Variants in TAOK1 observed in about 807,000 individuals in gnomAD.
TAOK1 encodes the protein serine/threonine-protein kinase TAO1.
TAOK1 carries 21 observed loss-of-function variants against 138.3 expected under a neutral mutation model. The ratio of observed to expected loss-of-function variants is 0.15; its 90% confidence interval spans 0.11 to 0.22. The LOEUF is 0.22. Ranked by LOEUF, TAOK1 falls within the 10% of genes least tolerant of loss-of-function variation. TAOK1 has a pLI of 1.00. For missense variants in TAOK1, 651 were observed against 1,227.7 expected, an observed-to-expected ratio of 0.53 and a Z score of 7.02; for synonymous variants, 361 against 398.4, an observed-to-expected ratio of 0.91 and a Z score of 1.12.
At chr17:29,483,778 A>G (rs947173872) in intron 8 of TAOK1, among the ~76,000 whole-genome samples, 1 of 152,188 alleles carries the variant, frequency 6.6e-6, no homozygotes, top group Non-Finnish European at 1.5e-5. Context: ...TGAAGTTTGC[A>G]AAACTGTTTC....
chr17:29,509,968 C>T (rs948654590), intron 14 of TAOK1, among the ~76,000 whole-genome samples: 26 of 151,650 alleles, frequency 1.7e-4, no homozygotes, highest in African/African-American at 6.3e-4. Flanking sequence ...CCTCCCACCT[C>T]AGCCTCTCAA....
intron 18 of TAOK1, 116 bp downstream of exon 18, chr17:29,530,735 G>A: frequency 2.4e-6 from 2 of 834,968 alleles, no homozygotes; most frequent in Non-Finnish European, 3.9e-6. Context: ...TGAAGCTTGG[G>A]AAATGTGGTG....
At chr17:29,424,067 G>C (rs994128580) in intron 1 of TAOK1, among the ~76,000 whole-genome samples, 23 of 116,106 alleles carry the variant, frequency 2.0e-4, no homozygotes, top group African/African-American at 6.6e-4. Context: ...AAAAAAAAAA[G>C]CAAACTTGTT....
chr17:29,534,042 T>C, intron 18 of TAOK1, 76 bp from the exon 19 acceptor site: 1 of 1,420,652 alleles, frequency 7.0e-7, no homozygotes, highest in Non-Finnish European at 9.3e-7. Context: ...ACACTCCTCC[T>C]CCTTTCCATA....
chr17:29,500,769 T>C (rs1327349594), intron 12 of TAOK1, among the ~76,000 whole-genome samples: 1 of 151,440 alleles, frequency 6.6e-6, no homozygotes, highest in East Asian at 1.9e-4. Context: ...GGTTTTTACA[T>C]CCAGTAGAAT....
chr17:29,445,992 G>A (rs977034136), intron 1 of TAOK1, among the ~76,000 whole-genome samples: 11 of 152,054 alleles, frequency 7.2e-5, no homozygotes, highest in Middle Eastern at 3.4e-3. Flanking sequence ...TGACTTTTTG[G>A]TAGTTTATAT....
At chr17:29,520,237 G>A (rs1043082288) in intron 16 of TAOK1, among the ~76,000 whole-genome samples, 1 of 151,584 alleles carries the variant, frequency 6.6e-6, no homozygotes, top group Non-Finnish European at 1.5e-5. Flanking sequence ...CAACCACAGA[G>A]GAATGATTGA....
At chr17:29,454,264 T>G (rs1189299778) in intron 2 of TAOK1, among the ~76,000 whole-genome samples, 1 of 152,200 alleles carries the variant, frequency 6.6e-6, no homozygotes, top group African/African-American at 2.4e-5. Context: ...TTAATTCTAT[T>G]CCATTTATCT....
At chr17:29,465,837 C>CTT (rs3058623) in intron 2 of TAOK1, among the ~76,000 whole-genome samples, 491 of 45,326 alleles carry the variant, frequency 0.011, 126 homozygotes, top group African/African-American at 0.019. Context: ...AGTTTCTGTG[C>CTT]TTTTTTTTTT....
chr17:29,541,721 A>G (rs973838622), intron 19 of TAOK1, among the ~76,000 whole-genome samples: 6 of 151,500 alleles, frequency 4.0e-5, no homozygotes, highest in Admixed American at 3.9e-4. Context: ...GGTTGCAGTG[A>G]GCTGAGATAG....
At chr17:29,441,438 G>A (rs2029937974) in intron 1 of TAOK1, among the ~76,000 whole-genome samples, 1 of 152,104 alleles carries the variant, frequency 6.6e-6, no homozygotes, top group African/African-American at 2.4e-5. Context: ...GTCTTTACTT[G>A]TTGAAATTAG....
intron 17 of TAOK1, among the ~76,000 whole-genome samples, chr17:29,523,091 A>T (rs1303972146): frequency 6.6e-6 from 1 of 151,868 alleles, no homozygotes; most frequent in Non-Finnish European, 1.5e-5. Context: ...AAAAAAAAAA[A>T]AAATGTACTC....
At chr17:29,412,296 G>T (rs1905165659) in intron 1 of TAOK1, among the ~76,000 whole-genome samples, 1 of 152,156 alleles carries the variant, frequency 6.6e-6, no homozygotes, top group African/African-American at 2.4e-5. Flanking sequence ...GCCTGCCTTG[G>T]CCTGCCAAAG....
In TAOK1 at chr17:29,480,389, C is replaced by G; in HGVS notation, c.471C>G (p.Ile157Met). 1 of 1,612,486 alleles carries G rather than the reference C, an allele frequency of 6.2e-7. No homozygotes were observed. The highest frequency in any genetic ancestry group is 8.5e-7 in the Non-Finnish European group (1 of 1,178,930). Residue 157 changes from isoleucine to methionine, a missense_variant, in exon 7 of 20, where the codon ATC becomes ATG. By Grantham distance (10) the Ile-to-Met change is conservative. This residue lies in a region of TAOK1 where 116 missense variants were observed against 213.9 expected (regional missense o/e 0.54). Transcript: ENST00000261716. ...CTAGAGATATCAAAGCAGGAAATAT[C>G]CTTCTGACAGAACCAGGCCAGGTGA... ...MIHRDIKAGN[I>M]LLTEPGQVKL...
chr17:29,408,734 A>G (rs1213915510), intron 1 of TAOK1, among the ~76,000 whole-genome samples: 2 of 148,734 alleles, frequency 1.3e-5, no homozygotes, highest in Non-Finnish European at 3.0e-5. Context: ...TTTTTTGGAG[A>G]TGGAGTCTCA....
intron 8 of TAOK1, among the ~76,000 whole-genome samples, chr17:29,488,565 C>T (rs916017210): frequency 4.5e-5 from 6 of 132,550 alleles, no homozygotes; most frequent in Non-Finnish European, 8.2e-5. Context: ...AGAGTGAAAC[C>T]ACATCTCAAA....
intron 1 of TAOK1, among the ~76,000 whole-genome samples, chr17:29,439,344 A>C (rs1906139363): frequency 6.6e-6 from 1 of 151,936 alleles, no homozygotes; most frequent in Non-Finnish European, 1.5e-5. Context: ...CTGGGATTAC[A>C]GGTGCGCGCC....
intron 2 of TAOK1, among the ~76,000 whole-genome samples, chr17:29,455,029 G>C (rs1308480904): frequency 6.6e-6 from 1 of 152,114 alleles, no homozygotes; most frequent in African/African-American, 2.4e-5. Flanking sequence ...TCCTGCCTCA[G>C]TCTCCTAAGT....
At chr17:29,447,128 C>T (rs2030104327) in intron 1 of TAOK1, among the ~76,000 whole-genome samples, 2 of 150,564 alleles carry the variant, frequency 1.3e-5, no homozygotes, top group South Asian at 4.2e-4. Flanking sequence ...GAGTGCACTA[C>T]AACCTCACAC....
Sources: allele counts gnomAD v4.1 joint callset (sites outside exome capture counted in the v4.1 genomes callset), GRCh38; gene constraint gnomAD v4.1.1; regional missense constraint gnomAD v4.1.1; transcripts MANE v1.5; gene names NCBI Gene and HGNC (gene_info 2026-07-23, HGNC 2026-07-21).